Variants in PCDH7 observed in about 807,000 individuals in gnomAD.
The protein encoded by PCDH7 is protocadherin-7.
PCDH7 carries 17 observed loss-of-function variants against 58.9 expected under a neutral mutation model. The observed-to-expected ratio is 0.29, with a 90% confidence interval of 0.20 to 0.43. The LOEUF is 0.43. Ranked by LOEUF, PCDH7 falls within the 20% of genes least tolerant of loss-of-function variation. The probability of loss-of-function intolerance (pLI) is 1.00; values close to 1 mark genes in which losing one functional copy is unlikely to be tolerated. For synonymous variants in PCDH7, 664 were observed against 616.4 expected, an observed-to-expected ratio of 1.08 and a Z score of -1.14; for missense variants, 1,274 against 1,441.0, an observed-to-expected ratio of 0.88 and a Z score of 1.88.
intron 3 of PCDH7, among the ~76,000 whole-genome samples, chr4:30,995,529 A>C (rs1751822389): frequency 6.7e-6 from 1 of 150,202 alleles, no homozygotes; most frequent in African/African-American, 2.4e-5. Flanking sequence ...AAAAAAAAAA[A>C]GATGAACGAG....
At chr4:30,950,485 A>G (rs1197842345) in intron 3 of PCDH7, among the ~76,000 whole-genome samples, 1 of 152,212 alleles carries the variant, frequency 6.6e-6, no homozygotes, top group Non-Finnish European at 1.5e-5. Context: ...CAAAATATGT[A>G]TAAAATAAAT....
intron 3 of PCDH7, among the ~76,000 whole-genome samples, chr4:31,105,782 C>T (rs908709430): frequency 4.6e-5 from 7 of 152,064 alleles, no homozygotes; most frequent in South Asian, 2.1e-4. Context: ...CCGAGGTGGG[C>T]GGATCACGAG....
At position 30,761,296 on chromosome 4, in the gene PCDH7, T is replaced by C. The variant is rs149925581; in HGVS notation, c.70+36700T>C. ...GTCATGGGCCAGGAGCTTTCACTTT[T>C]ACAAAGTACACTGGGCTCTTCTTAT... On this transcript the variant is annotated intron_variant, in intron 1 of 3. Transcript: ENST00000509759. Among the ~76,000 whole-genome samples the C allele has an allele frequency of 8.3e-3, 1,264 of 152,334 alleles. 8 individuals are homozygous for C. Among genetic ancestry groups the C allele is most frequent in the Non-Finnish European group, 0.012 (819 of 68,016 alleles).
intron 1 of PCDH7, among the ~76,000 whole-genome samples, chr4:30,842,235 A>G (rs889373643): frequency 1.3e-5 from 2 of 152,154 alleles, no homozygotes; most frequent in African/African-American, 4.8e-5. Context: ...TGCTCTGTAT[A>G]TGGGGTTGGG....
At chr4:31,067,197 G>A (rs1758158467) in intron 3 of PCDH7, among the ~76,000 whole-genome samples, 1 of 151,954 alleles carries the variant, frequency 6.6e-6, no homozygotes, top group Admixed American at 6.6e-5. Flanking sequence ...TCTAAGTTTG[G>A]AAGAATTTGA....
At chr4:31,080,668 T>C (rs576038865) in intron 3 of PCDH7, among the ~76,000 whole-genome samples, 1 of 152,326 alleles carries the variant, frequency 6.6e-6, no homozygotes, top group South Asian at 2.1e-4. Context: ...AGTTTGTTTG[T>C]AGAGTTGAAG....
At chr4:30,890,558 T>A (rs767994497) in intron 1 of PCDH7, among the ~76,000 whole-genome samples, 11 of 151,996 alleles carry the variant, frequency 7.2e-5, no homozygotes, top group Non-Finnish European at 1.0e-4. Context: ...TATATGATCA[T>A]CTTTGTTTAT....
intron 3 of PCDH7, among the ~76,000 whole-genome samples, chr4:31,064,263 A>G (rs1368417187): frequency 6.6e-6 from 1 of 152,016 alleles, no homozygotes; most frequent in East Asian, 1.9e-4. Context: ...AACAACACGC[A>G]GGAGAAAAAA....
intron 1 of PCDH7, chr4:30,724,957 T>C: frequency 1.3e-5 from 14 of 1,040,020 alleles, no homozygotes; most frequent in Non-Finnish European, 1.5e-5. Context: ...TATTTTCTTC[T>C]GTGGCAACTA....
At chr4:30,837,107 AT>A (rs139805039) in intron 1 of PCDH7, among the ~76,000 whole-genome samples, 11 of 150,488 alleles carry the variant, frequency 7.3e-5, no homozygotes, top group South Asian at 2.1e-4. Flanking sequence ...TGTCTTTTTA[AT>A]TTTTTTTTTA....
intron 1 of PCDH7, among the ~76,000 whole-genome samples, chr4:30,766,368 A>C (rs1317755768): frequency 6.6e-6 from 1 of 152,142 alleles, no homozygotes; most frequent in South Asian, 2.1e-4. Context: ...CATCTAAAAA[A>C]ATTTTCTTTG....
intron 1 of PCDH7, among the ~76,000 whole-genome samples, chr4:30,879,233 C>A (rs1172927455): frequency 1.3e-5 from 2 of 150,946 alleles, no homozygotes; most frequent in Non-Finnish European, 3.0e-5. Context: ...TTCTTCTTTC[C>A]TTCTCTCTTT....
intron 1 of PCDH7, among the ~76,000 whole-genome samples, chr4:30,900,639 A>G (rs1032868455): frequency 1.3e-5 from 2 of 152,200 alleles, no homozygotes; most frequent in Admixed American, 6.5e-5. Flanking sequence ...AATTTGTCCT[A>G]GATGGTTCTG....
At chr4:30,995,834 C>A (rs1751849310) in intron 3 of PCDH7, among the ~76,000 whole-genome samples, 2 of 152,050 alleles carry the variant, frequency 1.3e-5, no homozygotes, top group Non-Finnish European at 1.5e-5. Context: ...CTGAATCTCC[C>A]CAGGGCTCCC....
intron 3 of PCDH7, among the ~76,000 whole-genome samples, chr4:31,045,895 G>A (rs752282057): frequency 6.6e-6 from 1 of 151,980 alleles, no homozygotes. Flanking sequence ...TAGGTAGCTG[G>A]TGCCAAATTT....
chr4:30,901,766 A>G (rs1281629324), intron 1 of PCDH7, among the ~76,000 whole-genome samples: 1 of 152,182 alleles, frequency 6.6e-6, no homozygotes, highest in Non-Finnish European at 1.5e-5. Flanking sequence ...GGCTAGAATA[A>G]TTGACTTCAT....
At chr4:30,803,229 T>G (rs2109307605) in intron 1 of PCDH7, among the ~76,000 whole-genome samples, 1 of 152,284 alleles carries the variant, frequency 6.6e-6, no homozygotes, top group East Asian at 1.9e-4. Flanking sequence ...GAGCATTTTT[T>G]TGTTTCAAAA....
chr4:31,097,635 T>TA (rs1366554438), intron 3 of PCDH7, among the ~76,000 whole-genome samples: 2,144 of 45,494 alleles, frequency 0.047, 347 homozygotes, highest in South Asian at 0.1. Context: ...TATATATATA[T>TA]ATAAATCTTT....
intron 1 of PCDH7, among the ~76,000 whole-genome samples, chr4:30,794,204 TG>T (rs756004433): frequency 3.5e-4 from 54 of 152,326 alleles, no homozygotes; most frequent in Admixed American, 3.9e-4. Flanking sequence ...TTGTGAATAT[TG>T]GACTATAAAA....
Sources: allele counts gnomAD v4.1 joint callset (sites outside exome capture counted in the v4.1 genomes callset), GRCh38; gene constraint gnomAD v4.1.1; transcripts MANE v1.5; gene names NCBI Gene and HGNC (gene_info 2026-07-23, HGNC 2026-07-21).